Variants in CSMD2 observed in about 807,000 individuals in gnomAD.
CSMD2 encodes CUB and Sushi multiple domains 2, also known as CUB and sushi domain-containing protein 2.
Under a neutral mutation model 398.5 loss-of-function variants are expected in CSMD2, and 130 were observed. The ratio of observed to expected loss-of-function variants is 0.33; its 90% CI spans 0.28 to 0.38. The LOEUF (loss-of-function observed/expected upper bound fraction) is 0.38. Among genes scored for constraint, CSMD2 ranks in the 10% least tolerant of loss-of-function variants. The pLI, the probability that CSMD2 is intolerant of heterozygous loss-of-function variation, is 1.00. For synonymous variants in CSMD2, 1,828 were observed against 1,908.5 expected, an observed-to-expected ratio of 0.96 and a Z score of 1.10; for missense variants, 3,829 against 4,764.9, an observed-to-expected ratio of 0.80 and a Z score of 5.78.
chr1:34,027,910 C>CAGG (rs549670113), intron 3 of CSMD2, among the ~76,000 whole-genome samples: 1 of 147,496 alleles, frequency 6.8e-6, no homozygotes, highest in Non-Finnish European at 1.5e-5. Context: ...ACATGGGAGT[C>CAGG]AGGAGGAGGA....
intron 5 of CSMD2, among the ~76,000 whole-genome samples, chr1:33,851,667 A>G (rs1318313695): frequency 1.3e-5 from 2 of 152,098 alleles, no homozygotes; most frequent in Non-Finnish European, 2.9e-5. Context: ...AACCTAAGCC[A>G]CCTCTCATTC....
At chr1:33,528,985 C>A (rs1340119631) in intron 64 of CSMD2, among the ~76,000 whole-genome samples, 1 of 152,190 alleles carries the variant, frequency 6.6e-6, no homozygotes, top group Non-Finnish European at 1.5e-5. Context: ...AATGCAATTT[C>A]TGCCAAAATT....
At chr1:33,666,344 G>A (rs1333426999) in intron 25 of CSMD2, among the ~76,000 whole-genome samples, 1 of 152,104 alleles carries the variant, frequency 6.6e-6, no homozygotes. Context: ...ATTTTCCCCA[G>A]CCAGGAACAT....
intron 55 of CSMD2, among the ~76,000 whole-genome samples, chr1:33,554,542 T>C (rs1657780623): frequency 6.6e-6 from 1 of 152,116 alleles, no homozygotes; most frequent in Admixed American, 6.6e-5. Flanking sequence ...GAGAAGTCAA[T>C]GCCTGGCTTC....
At chr1:33,543,434 C>T (rs1007811786) in intron 57 of CSMD2, among the ~76,000 whole-genome samples, 5 of 152,236 alleles carry the variant, frequency 3.3e-5, no homozygotes, top group Non-Finnish European at 2.9e-5. Flanking sequence ...ATTCCTCTAT[C>T]CCCTGTAGTT....
At chr1:33,884,078 G>C (rs1641419088) in intron 5 of CSMD2, among the ~76,000 whole-genome samples, 1 of 152,058 alleles carries the variant, frequency 6.6e-6, no homozygotes, top group African/African-American at 2.4e-5. Context: ...TCCCTGACAT[G>C]CTGGATGTCA....
intron 5 of CSMD2, chr1:33,878,182 C>A (rs990359581): frequency 6.6e-6 from 1 of 152,226 alleles, no homozygotes; most frequent in Non-Finnish European, 1.5e-5. Flanking sequence ...AGGAGCCATC[C>A]CGTGAGGCCG....
At chr1:33,676,890 G>C (rs1644732585) in intron 25 of CSMD2, among the ~76,000 whole-genome samples, 1 of 152,170 alleles carries the variant, frequency 6.6e-6, no homozygotes. Context: ...ATGGTGCTGG[G>C]AAAACTGGCT....
At chr1:33,778,487 C>T (rs1557878583) in intron 12 of CSMD2, among the ~76,000 whole-genome samples, 1 of 152,054 alleles carries the variant, frequency 6.6e-6, no homozygotes, top group Non-Finnish European at 1.5e-5. Context: ...GATGATTCAC[C>T]ACCCAGCCCC....
chr1:33,989,281 A>C (rs944724856), intron 3 of CSMD2, among the ~76,000 whole-genome samples: 1 of 152,054 alleles, frequency 6.6e-6, no homozygotes, highest in South Asian at 2.1e-4. Context: ...TTAAAACCAC[A>C]ATGAGATACC....
chr1:33,937,932 T>C lies in CSMD2; in HGVS notation c.518-1978A>G, dbSNP rs570057433. On this transcript the variant is annotated intron_variant, in intron 3 of 70. Coordinates refer to ENST00000373381, the MANE Select transcript of CSMD2 (RefSeq NM_001281956.2). ...GAGGGCGTGGGCCTAGTCTGGTTCA[T>C]AGGTATATCCTGGGAGACTAGCACA... Among the ~76,000 whole-genome samples, 4 of 152,398 alleles carry C rather than the reference T, an allele frequency of 2.6e-5. No individual in the cohort carries two copies. The East Asian group carries it at 5.8e-4, about 22-fold the overall frequency.
intron 2 of CSMD2, among the ~76,000 whole-genome samples, chr1:34,080,169 T>A (rs1656904877): frequency 6.6e-6 from 1 of 151,300 alleles, no homozygotes; most frequent in African/African-American, 2.4e-5. Context: ...AACTACAATT[T>A]TCATATTGGA....
At chr1:34,142,768 A>G (rs944287187) in intron 1 of CSMD2, among the ~76,000 whole-genome samples, 6 of 152,168 alleles carry the variant, frequency 3.9e-5, no homozygotes, top group Non-Finnish European at 5.9e-5. Flanking sequence ...TGGGGATAAT[A>G]ATGCCATCTC....
intron 26 of CSMD2, 88 bp downstream of exon 26, chr1:33,662,802 G>A: frequency 6.0e-6 from 7 of 1,159,074 alleles, no homozygotes; most frequent in Non-Finnish European, 9.1e-6. Flanking sequence ...TACATGGACT[G>A]AGGGATGAAG....
chr1:33,696,230 G>A (rs1218805257), intron 24 of CSMD2, among the ~76,000 whole-genome samples: 1 of 152,200 alleles, frequency 6.6e-6, no homozygotes, highest in Non-Finnish European at 1.5e-5. Context: ...AGCTATTTAG[G>A]AAAAGGAATA....
intron 10 of CSMD2, among the ~76,000 whole-genome samples, chr1:33,798,447 A>G (rs1460337276): frequency 6.6e-6 from 1 of 152,188 alleles, no homozygotes; most frequent in African/African-American, 2.4e-5. Flanking sequence ...GGAGGAGTGC[A>G]AAGAGGAGAG....
At chr1:33,567,352 C>A (rs1659138394) in intron 53 of CSMD2, among the ~76,000 whole-genome samples, 2 of 148,282 alleles carry the variant, frequency 1.3e-5, no homozygotes, top group South Asian at 2.1e-4. Context: ...AGAAAATGAA[C>A]AAAAATGTAA....
chr1:33,717,093 G>A (rs187984077), intron 19 of CSMD2, among the ~76,000 whole-genome samples: 4 of 152,238 alleles, frequency 2.6e-5, no homozygotes, highest in African/African-American at 7.2e-5. Flanking sequence ...GGAAGGAAGA[G>A]TGTCCCAGGC....
Position 33,534,037 on chromosome 1 carries a change from C to T in CSMD2, c.9880-130G>A, listed in dbSNP as rs1160675522. 3.1e-5 allele frequency: 19 copies of T among 612,124 alleles called. No homozygotes were observed. In the Admixed American group the frequency reaches 3.2e-4, roughly 10 times the overall value. 37.9% of individuals were successfully genotyped at this position (612,124 alleles called of 1,614,324 possible). On this transcript the variant is annotated intron_variant, in intron 62 of 70. Transcript: ENST00000373381. ...CTGCAAAACTCTTTTTCTGATTCTC[C>T]GCCTGGTTAAATTTTCTTCTTCCTT...
Sources: allele counts gnomAD v4.1 joint callset (sites outside exome capture counted in the v4.1 genomes callset), GRCh38; gene constraint gnomAD v4.1.1; transcripts MANE v1.5; gene names NCBI Gene and HGNC (gene_info 2026-07-23, HGNC 2026-07-21).